Variants in SLC35D4 observed in about 807,000 individuals in gnomAD.
The protein encoded by SLC35D4 is solute carrier family 35 member D4, also known as UDP-N-acetylglucosamine transporter SLC35D4.
chr18:23,305,166 G>A, the SLC35D4 span, among the ~76,000 whole-genome samples: 1 of 152,148 alleles, frequency 6.6e-6, no homozygotes, highest in African/African-American at 2.4e-5. Context: ...AATGTCTACT[G>A]GACATTCTTA....
chr18:23,258,865 A>G, the SLC35D4 span: 1 of 152,190 alleles, frequency 6.6e-6, no homozygotes, highest in Non-Finnish European at 1.5e-5. Flanking sequence ...GAGAAATTCA[A>G]GCAGCAGCTG....
chr18:23,352,744 G>A, the SLC35D4 span, among the ~76,000 whole-genome samples: 1 of 152,334 alleles, frequency 6.6e-6, no homozygotes, highest in East Asian at 1.9e-4. Context: ...GAATCTGAAG[G>A]GGAAGGCTGG....
At chr18:23,376,326 G>C in the SLC35D4 span, among the ~76,000 whole-genome samples, 4 of 152,204 alleles carry the variant, frequency 2.6e-5, no homozygotes, top group African/African-American at 7.2e-5. Flanking sequence ...AGATGTCACT[G>C]TACCCAATGG....
the SLC35D4 span, among the ~76,000 whole-genome samples, chr18:23,312,742 G>A: frequency 1.4e-4 from 22 of 152,054 alleles, no homozygotes; most frequent in Admixed American, 3.3e-4. Context: ...TCTCTGCATT[G>A]TGAACTCTTA....
chr18:23,389,974 G>A, the SLC35D4 span, among the ~76,000 whole-genome samples: 21 of 152,236 alleles, frequency 1.4e-4, no homozygotes, highest in Admixed American at 2.0e-4. Flanking sequence ...TTATCTTTAA[G>A]GAGTCAAGTT....
At chr18:23,245,605 A>G in the SLC35D4 span, among the ~76,000 whole-genome samples, 2 of 151,698 alleles carry the variant, frequency 1.3e-5, no homozygotes, top group East Asian at 1.9e-4. Context: ...TTTTCCTGTT[A>G]TCTCAGAAGG....
At chr18:23,356,601 A>T in the SLC35D4 span, 1 of 1,614,198 alleles carries the variant, frequency 6.2e-7, no homozygotes, top group Non-Finnish European at 8.5e-7. The surrounding 1 kb of genome is among the most constrained non-coding windows in gnomAD (Gnocchi z 4.1). Context: ...TACCTGGCAC[A>T]GCAGCTACCA....
chr18:23,430,586 G>T, the SLC35D4 span: 2 of 1,455,714 alleles, frequency 1.4e-6, no homozygotes, highest in Non-Finnish European at 1.9e-6. Context: ...GATGGTGGTT[G>T]GACATTTCCT....
chr18:23,359,778 T>C, the SLC35D4 span, among the ~76,000 whole-genome samples: 1 of 152,178 alleles, frequency 6.6e-6, no homozygotes, highest in Non-Finnish European at 1.5e-5. Flanking sequence ...GCTCCTCTTG[T>C]TCCGTGAAAT....
At chr18:23,294,163 T>C in the SLC35D4 span, among the ~76,000 whole-genome samples, 2 of 152,172 alleles carry the variant, frequency 1.3e-5, no homozygotes, top group South Asian at 2.1e-4. Flanking sequence ...TTGCCTCTCC[T>C]AATAGAAAGC....
chr18:23,328,650 A>G, the SLC35D4 span, among the ~76,000 whole-genome samples: 4 of 152,236 alleles, frequency 2.6e-5, no homozygotes, highest in Non-Finnish European at 4.4e-5. Flanking sequence ...TATAGATTCA[A>G]TGCCATCCCC....
the SLC35D4 span, among the ~76,000 whole-genome samples, chr18:23,402,214 A>C: frequency 2.8e-4 from 42 of 152,228 alleles, no homozygotes; most frequent in African/African-American, 9.6e-4. Flanking sequence ...GAATCACTGG[A>C]AAAATGGCTG....
the SLC35D4 span, among the ~76,000 whole-genome samples, chr18:23,306,752 G>A: frequency 3.3e-5 from 5 of 152,244 alleles, no homozygotes; most frequent in African/African-American, 1.2e-4. Flanking sequence ...ATTCCATGGG[G>A]GGGAAAAATC....
chr18:23,277,138 A>C, the SLC35D4 span, among the ~76,000 whole-genome samples: 1 of 152,146 alleles, frequency 6.6e-6, no homozygotes, highest in East Asian at 1.9e-4. Context: ...TAGGATGGTA[A>C]TACAGTTTGG....
At chr18:23,360,803 C>G in the SLC35D4 span, among the ~76,000 whole-genome samples, 1 of 151,798 alleles carries the variant, frequency 6.6e-6, no homozygotes, top group Non-Finnish European at 1.5e-5. Context: ...AACTAAGATA[C>G]AGGTAATAAA....
At chr18:23,265,829 T>C in the SLC35D4 span, among the ~76,000 whole-genome samples, 5 of 151,808 alleles carry the variant, frequency 3.3e-5, no homozygotes, top group African/African-American at 1.2e-4. Flanking sequence ...TTTTTAAAAA[T>C]CGTGGCTTCC....
the SLC35D4 span, chr18:23,297,198 G>A: frequency 2.0e-5 from 3 of 152,170 alleles, no homozygotes; most frequent in Non-Finnish European, 4.4e-5. Flanking sequence ...CGTGATAAAT[G>A]CGCACTGTTA....
chr18:23,260,396 G>C, the SLC35D4 span: 1 of 152,252 alleles, frequency 6.6e-6, no homozygotes, highest in Non-Finnish European at 1.5e-5. Context: ...GGAGTAAGGA[G>C]CTTCCTTCCC....
chr18:23,300,128 C>T, the SLC35D4 span, among the ~76,000 whole-genome samples: 1 of 152,122 alleles, frequency 6.6e-6, no homozygotes, highest in African/African-American at 2.4e-5. Context: ...CAGCTCAGGA[C>T]CCCAGATGCT....
Sources: gnomAD v4.1 joint callset for allele counts (sites outside exome capture counted in the v4.1 genomes callset) on GRCh38, gnomAD v4.1.1 for gene constraint, Gnocchi (gnomAD v3.1) non-coding constraint, MANE v1.5 for transcripts, NCBI Gene and HGNC (gene_info 2026-07-23, HGNC 2026-07-21) for gene names.